Variants in FUT8 observed in about 807,000 individuals in gnomAD.
FUT8 encodes alpha-(1,6)-fucosyltransferase.
A neutral mutation model predicts 71.3 loss-of-function variants in FUT8; 29 were observed. The observed-to-expected ratio is 0.41, with a 90% confidence interval of 0.30 to 0.55. The LOEUF (loss-of-function observed/expected upper bound fraction) is 0.55. Ranked by LOEUF, FUT8 falls within the 20% of genes least tolerant of loss-of-function variation. The pLI, the probability that FUT8 is intolerant of heterozygous loss-of-function variation, is 0.34. For synonymous variants in FUT8, 254 were observed against 239.3 expected, an observed-to-expected ratio of 1.06 and a Z score of -0.57; for missense variants, 544 against 702.1, an observed-to-expected ratio of 0.77 and a Z score of 2.55.
chr14:65,398,507 G>A, the FUT8 span, among the ~76,000 whole-genome samples: 2 of 151,960 alleles, frequency 1.3e-5, no homozygotes, highest in African/African-American at 4.8e-5. Flanking sequence ...AGGCCGAGGC[G>A]GGTGGATCAC....
chr14:65,612,921 T>C (rs1258167987), intron 3 of FUT8, among the ~76,000 whole-genome samples: 1 of 152,240 alleles, frequency 6.6e-6, no homozygotes, highest in African/African-American at 2.4e-5. Context: ...GAAAGCATTC[T>C]GTTCCCTAAG....
chr14:65,705,320 G>A (rs1230354486), intron 7 of FUT8, among the ~76,000 whole-genome samples: 1 of 152,162 alleles, frequency 6.6e-6, no homozygotes, highest in African/African-American at 2.4e-5. Flanking sequence ...CCTATTTTAA[G>A]TGAAAACAGA....
At chr14:65,383,283 T>C in the FUT8 span, among the ~76,000 whole-genome samples, 12 of 123,532 alleles carry the variant, frequency 9.7e-5, no homozygotes, top group Middle Eastern at 4.1e-3. Flanking sequence ...TTTTTTTTTT[T>C]TTTTTTTTTG....
At chr14:65,731,894 C>A (rs1027797598) in intron 9 of FUT8, among the ~76,000 whole-genome samples, 1 of 152,166 alleles carries the variant, frequency 6.6e-6, no homozygotes, top group African/African-American at 2.4e-5. Flanking sequence ...TCCTTTGTTT[C>A]ACTGAGCATC....
At chr14:65,464,185 A>G (rs935653034) in intron 2 of FUT8, among the ~76,000 whole-genome samples, 2 of 150,954 alleles carry the variant, frequency 1.3e-5, no homozygotes, top group Non-Finnish European at 2.9e-5. Flanking sequence ...GAGTTCCCAA[A>G]TATCTCCCCC....
chr14:65,360,677 C>T, the FUT8 span, among the ~76,000 whole-genome samples: 1 of 152,170 alleles, frequency 6.6e-6, no homozygotes, highest in Admixed American at 6.5e-5. Context: ...GGCAAAGCCT[C>T]AACATTTTTG....
chr14:65,552,204 T>C (rs1388756750), intron 2 of FUT8, among the ~76,000 whole-genome samples: 1 of 152,166 alleles, frequency 6.6e-6, no homozygotes, highest in East Asian at 1.9e-4. Context: ...TCACTCAGAA[T>C]GTTAGTTGCT....
At chr14:65,439,954 G>GTGTGTGTGTATATATATATA in intron 1 of FUT8, among the ~76,000 whole-genome samples, 5 of 74,974 alleles carry the variant, frequency 6.7e-5, no homozygotes, top group East Asian at 6.1e-4. Context: ...GTGTGTGTGT[G>GTGTGTGTGTATATATATATA]TATATATATA....
chr14:65,732,959 C>T (rs1896045909), intron 9 of FUT8, among the ~76,000 whole-genome samples: 1 of 152,134 alleles, frequency 6.6e-6, no homozygotes, highest in African/African-American at 2.4e-5. Context: ...AAGGAGACTT[C>T]AATTTTCAGC....
intron 10 of FUT8, among the ~76,000 whole-genome samples, chr14:65,740,364 G>A (rs988307062): frequency 2.0e-5 from 3 of 151,772 alleles, no homozygotes; most frequent in African/African-American, 4.8e-5. Context: ...ATTATATATA[G>A]CATTTGAGAA....
At chr14:65,458,348 A>G (rs1258552372) in intron 2 of FUT8, among the ~76,000 whole-genome samples, 2 of 152,176 alleles carry the variant, frequency 1.3e-5, no homozygotes, top group African/African-American at 2.4e-5. Context: ...GTAAATTAGA[A>G]TTCTATATTA....
intron 2 of FUT8, among the ~76,000 whole-genome samples, chr14:65,559,099 A>C (rs570695527): frequency 6.6e-6 from 1 of 152,286 alleles, no homozygotes; most frequent in African/African-American, 2.4e-5. Context: ...CTGGCTTTAA[A>C]TATTACGATT....
rs1267849948 is a variant in FUT8 at position 65,608,794 on chromosome 14, G to C, written c.204-7184G>C. Among the ~76,000 whole-genome samples the C allele has an allele frequency of 4.6e-5, 7 of 152,090 alleles. No homozygotes were observed. In the East Asian group the frequency reaches 1.2e-3, roughly 25 times the overall value. ...AACCAGGCCAGCCTATATAGCTATT[G>C]CTGCAGCTGCACAGTCCAGCTTTCT... On this transcript the variant is annotated intron_variant, in intron 3 of 10. Transcript: ENST00000673929.
intron 3 of FUT8, among the ~76,000 whole-genome samples, chr14:65,589,954 A>G (rs1028542560): frequency 2.0e-5 from 3 of 152,240 alleles, no homozygotes; most frequent in African/African-American, 7.2e-5. Context: ...TATTTCTGCC[A>G]CAAACCCAAC....
At chr14:65,694,681 G>A (rs1424878253) in intron 7 of FUT8, among the ~76,000 whole-genome samples, 1 of 151,856 alleles carries the variant, frequency 6.6e-6, no homozygotes, top group Non-Finnish European at 1.5e-5. Flanking sequence ...AAGAAAATGT[G>A]GCACATATAC....
intron 7 of FUT8, among the ~76,000 whole-genome samples, chr14:65,687,430 T>G (rs537576162): frequency 6.6e-6 from 1 of 152,332 alleles, no homozygotes; most frequent in African/African-American, 2.4e-5. Flanking sequence ...GTCATTTTGG[T>G]GATGCCAAAT....
chr14:65,702,331 A>G (rs1312483034), intron 7 of FUT8, among the ~76,000 whole-genome samples: 1 of 134,180 alleles, frequency 7.5e-6, no homozygotes, highest in Non-Finnish European at 1.6e-5. Flanking sequence ...GGCAGCAAGA[A>G]CAAAACTCCA....
chr14:65,409,374 C>T (rs1311979118), upstream of FUT8, among the ~76,000 whole-genome samples: 1 of 152,204 alleles, frequency 6.6e-6, no homozygotes, highest in African/African-American at 2.4e-5. This position sits in a 1 kb window ranked among gnomAD's most constrained non-coding sequence, Gnocchi z 5.4. Flanking sequence ...AGTGCCTCAA[C>T]CCCTTGCTGG....
chr14:65,464,291 C>A lies in FUT8; in HGVS notation c.-228+8573C>A, dbSNP rs149424081. Among the ~76,000 whole-genome samples the A allele has an allele frequency of 8.9e-3, 1,032 of 115,612 alleles. 5 individuals are homozygous for A. Among genetic ancestry groups the A allele is most frequent in the Non-Finnish European group, 0.011 (672 of 59,618 alleles). 75.8% of individuals were successfully genotyped at this position (115,612 alleles called of 152,430 possible). ...TTTTTTTTTTTTTTACATAGATGAT[C>A]ATGTCATCTGCAAATAGAGAGTTTT... On this transcript the variant is annotated intron_variant, in intron 2 of 10. Coordinates refer to ENST00000673929, the MANE Select transcript of FUT8 (RefSeq NM_001371533.1).
Sources: gnomAD v4.1 joint callset for allele counts (sites outside exome capture counted in the v4.1 genomes callset) on GRCh38, gnomAD v4.1.1 for gene constraint, Gnocchi (gnomAD v3.1) non-coding constraint, MANE v1.5 for transcripts, NCBI Gene and HGNC (gene_info 2026-07-23, HGNC 2026-07-21) for gene names.